The following VWA8 variants were observed in gnomAD, a reference collection of about 807,000 sequenced individuals.
The protein encoded by VWA8 is von Willebrand factor A domain-containing protein 8.
In VWA8, 221 loss-of-function variants were observed where a neutral mutation model predicts 241.5. That is an observed-to-expected ratio of 0.91 (90% CI 0.82 to 1.02). VWA8 has a LOEUF of 1.02. Ranked by LOEUF, VWA8 falls within the 50% of genes least tolerant of loss-of-function variation. VWA8 has a pLI of 0.00. For synonymous variants in VWA8, 852 were observed against 827.1 expected (o/e 1.03, Z -0.52); for missense variants, 2,322 against 2,328.7 (o/e 1.00, Z 0.06).
chr13:41,609,187 C>CAAT (rs1443306690), intron 39 of VWA8, among the ~76,000 whole-genome samples: 1 of 152,038 alleles, frequency 6.6e-6, no homozygotes, highest in Non-Finnish European at 1.5e-5. Flanking sequence ...GAGAGACAAC[C>CAAT]AATTATTCAC....
At chr13:41,764,476 T>C (rs1398608803) in intron 20 of VWA8, among the ~76,000 whole-genome samples, 2 of 152,172 alleles carry the variant, frequency 1.3e-5, no homozygotes, top group Non-Finnish European at 1.5e-5. Context: ...GCTTATAGTC[T>C]AGTAGGGAAC....
At position 41,568,224 on chromosome 13, in the gene VWA8, G is replaced by A; in HGVS notation, c.5691C>T (p.Phe1897=). ...AGACACTCGACAACATGGTGGAGGT[G>A]AAGATCTGTTGTAAAATCTGAGGGA... ...KDIPQILQQI[F]TSTMLSSV The change falls in exon 45 of 45, where the codon TTC becomes TTT. Residue 1897 remains phenylalanine (F), a synonymous_variant. Transcript: ENST00000379310. The A allele has an allele frequency of 1.2e-6, 2 of 1,614,110 alleles. No homozygotes were observed. The highest frequency in any genetic ancestry group is 2.7e-5 in the African/African-American group (2 of 75,028).
intron 26 of VWA8, among the ~76,000 whole-genome samples, chr13:41,713,402 C>A (rs918718177): frequency 6.6e-6 from 1 of 152,080 alleles, no homozygotes; most frequent in Non-Finnish European, 1.5e-5. Flanking sequence ...AAAAAGTGAA[C>A]CTATTATATT....
chr13:41,708,798 C>A (rs753437457), intron 26 of VWA8, among the ~76,000 whole-genome samples: 1 of 152,204 alleles, frequency 6.6e-6, no homozygotes, highest in Non-Finnish European at 1.5e-5. Flanking sequence ...CAGAATGACA[C>A]TGTAGTTTAG....
intron 37 of VWA8, among the ~76,000 whole-genome samples, chr13:41,658,200 T>G (rs575146136): frequency 6.6e-6 from 1 of 152,258 alleles, no homozygotes; most frequent in Non-Finnish European, 1.5e-5. Context: ...CACTTGCACC[T>G]GTAGTTCCAT....
At chr13:41,840,542 G>C (rs909758555) in intron 12 of VWA8, among the ~76,000 whole-genome samples, 3 of 152,002 alleles carry the variant, frequency 2.0e-5, no homozygotes, top group Admixed American at 2.0e-4. Flanking sequence ...CTGATTGCTT[G>C]AGCTCAGGAG....
At chr13:41,582,117 G>A (rs2044386730) in intron 42 of VWA8, among the ~76,000 whole-genome samples, 1 of 152,132 alleles carries the variant, frequency 6.6e-6, no homozygotes, top group Non-Finnish European at 1.5e-5. Context: ...CTATTCCCGG[G>A]AATAGCTGAA....
At position 41,611,429 on chromosome 13, in the gene VWA8, A is replaced by G; in HGVS notation, c.4877+147T>C. ...GTTTATTTGGCTGTTTCCGTTAGGGACGGGGATGGCTGTGGATTTCAGTTT... is the reference window on the plus strand; with the variant it reads ...GTTTATTTGGCTGTTTCCGTTAGGGGCGGGGATGGCTGTGGATTTCAGTTT... On this transcript the variant is annotated intron_variant, in intron 39 of 44. Coordinates refer to ENST00000379310, the MANE Select transcript of VWA8 (RefSeq NM_015058.2). The G allele has an allele frequency of 3.7e-6, 4 of 1,072,018 alleles. No individual in the cohort carries two copies. In the South Asian group the frequency reaches 7.6e-5, roughly 20 times the overall value. 66.4% of individuals were successfully genotyped at this position (1,072,018 alleles called of 1,614,324 possible). A position where few individuals can be genotyped will look rare whatever the true frequency, so the allele number is the denominator to read the frequency against.
At chr13:41,602,842 C>G (rs1247501536) in intron 40 of VWA8, among the ~76,000 whole-genome samples, 1 of 152,050 alleles carries the variant, frequency 6.6e-6, no homozygotes, top group Non-Finnish European at 1.5e-5. Context: ...AGTAGAATGC[C>G]TGGTGCATGG....
chr13:41,905,759 G>A (rs1256489654), intron 4 of VWA8, among the ~76,000 whole-genome samples: 1 of 151,944 alleles, frequency 6.6e-6, no homozygotes, highest in African/African-American at 2.4e-5. Flanking sequence ...TACTACATTG[G>A]TAATGCTGTA....
intron 4 of VWA8, among the ~76,000 whole-genome samples, chr13:41,897,865 C>T (rs1269928930): frequency 6.6e-6 from 1 of 152,128 alleles, no homozygotes; most frequent in Non-Finnish European, 1.5e-5. Context: ...CTGCTGGCTC[C>T]GGCAGCCTGC....
At chr13:41,723,459 G>A (rs558133685) in intron 24 of VWA8, among the ~76,000 whole-genome samples, 58 of 152,290 alleles carry the variant, frequency 3.8e-4, no homozygotes, top group Non-Finnish European at 8.1e-4. Context: ...ATCTTTCACA[G>A]TTCATAACAA....
intron 9 of VWA8, among the ~76,000 whole-genome samples, chr13:41,882,982 C>T (rs1415725616): frequency 6.6e-6 from 1 of 152,124 alleles, no homozygotes; most frequent in East Asian, 1.9e-4. Context: ...TAAAAAAAGT[C>T]ATGATTCATA....
At chr13:41,712,412 T>C (rs570262442) in intron 26 of VWA8, among the ~76,000 whole-genome samples, 9 of 152,376 alleles carry the variant, frequency 5.9e-5, no homozygotes, top group African/African-American at 2.2e-4. Flanking sequence ...TAAGATAATC[T>C]GCTCAGATTT....
At chr13:41,770,616 T>C (rs563884611) in intron 20 of VWA8, among the ~76,000 whole-genome samples, 16 of 152,092 alleles carry the variant, frequency 1.1e-4, no homozygotes, top group Middle Eastern at 3.4e-3. Context: ...AGATTCTTTC[T>C]AGGATATCCC....
chr13:41,885,701 T>C (rs953663945), intron 8 of VWA8, among the ~76,000 whole-genome samples: 4 of 152,222 alleles, frequency 2.6e-5, no homozygotes, highest in African/African-American at 9.7e-5. Flanking sequence ...TGAGATTGCA[T>C]GTCTAGCTCC....
intron 37 of VWA8, among the ~76,000 whole-genome samples, chr13:41,618,109 T>C (rs1256384052): frequency 6.6e-6 from 1 of 152,206 alleles, no homozygotes; most frequent in African/African-American, 2.4e-5. Context: ...GTAAAAGCGT[T>C]CCTATTTCTC....
At chr13:41,574,475 A>C (rs2044338369) in intron 43 of VWA8, among the ~76,000 whole-genome samples, 1 of 152,244 alleles carries the variant, frequency 6.6e-6, no homozygotes, top group African/African-American at 2.4e-5. Flanking sequence ...GAGAATCAAT[A>C]TTGTGAAAAT....
chr13:41,702,473 A>G (rs1168469255), intron 27 of VWA8, among the ~76,000 whole-genome samples: 2 of 152,250 alleles, frequency 1.3e-5, no homozygotes, highest in African/African-American at 4.8e-5. Context: ...TCTGACAAAA[A>G]TGAACAGTTG....
Sources: gnomAD v4.1 joint callset for allele counts (sites outside exome capture counted in the v4.1 genomes callset) on GRCh38, gnomAD v4.1.1 for gene constraint, MANE v1.5 for transcripts, NCBI Gene and HGNC (gene_info 2026-07-23, HGNC 2026-07-21) for gene names.